OOSP3: variants seen among roughly 807,000 people sequenced by gnomAD.
OOSP3 encodes oocyte secreted protein family member 3.
intron 2 of OOSP3, among the ~76,000 whole-genome samples, chr11:59,889,040 G>A (rs1590874371): frequency 1.3e-5 from 2 of 152,236 alleles, no homozygotes; most frequent in Non-Finnish European, 2.9e-5. Context: ...GAGAGTGTAC[G>A]TGTCCTGGAG....
At chr11:59,881,874 A>AAAAT (rs1438274077) in intron 2 of OOSP3, among the ~76,000 whole-genome samples, 1 of 152,220 alleles carries the variant, frequency 6.6e-6, no homozygotes. Context: ...CCGTCTCAAA[A>AAAAT]AAATAAATAA....
At chr11:59,884,366 T>A (rs1032577362) in intron 2 of OOSP3, among the ~76,000 whole-genome samples, 1 of 152,102 alleles carries the variant, frequency 6.6e-6, no homozygotes, top group Non-Finnish European at 1.5e-5. Flanking sequence ...TCCTACAACA[T>A]TAGTGAGCAT....
intron 2 of OOSP3, among the ~76,000 whole-genome samples, chr11:59,885,027 A>C (rs73490949): frequency 0.017 from 2,654 of 152,314 alleles, 70 homozygotes; most frequent in African/African-American, 0.061. Context: ...GGTGCTCTTA[A>C]TCAGGTTGAG....
rs568052869 is a variant in OOSP3 at position 59,882,294 on chromosome 11, A to G, written c.252+1855A>G. Among the ~76,000 whole-genome samples the G allele has an allele frequency of 3.3e-5, 5 of 152,086 alleles. No individual in the cohort carries two copies. The South Asian group carries it at 1.0e-3, about 32-fold the overall frequency. On this transcript the variant is annotated intron_variant, in intron 2 of 4. Transcript: ENST00000646438. ...TTTTTTTCCCCCCTGTGGCATGAAA[A>G]CCATTTCTAAAGTTTTCAGGGTCTT... is the stretch of plus-strand genomic sequence containing the variant.
exon 4 of OOSP3, chr11:59,895,532 C>T (rs1452100766): frequency 5.0e-6 from 2 of 398,266 alleles, no homozygotes; most frequent in Non-Finnish European, 8.9e-6. Context: ...CAAGCACTAT[C>T]CATAACAATC....
chr11:59,893,025 C>T (rs940964860), intron 2 of OOSP3, among the ~76,000 whole-genome samples: 1 of 152,028 alleles, frequency 6.6e-6, no homozygotes, highest in Non-Finnish European at 1.5e-5. Flanking sequence ...AGTTTGCATA[C>T]TAGAAATCAC....
At chr11:59,884,223 G>C (rs1163473627) in intron 2 of OOSP3, among the ~76,000 whole-genome samples, 1 of 152,202 alleles carries the variant, frequency 6.6e-6, no homozygotes, top group Non-Finnish European at 1.5e-5. Context: ...GTGGCAAAGA[G>C]AGACACAGAA....
intron 2 of OOSP3, among the ~76,000 whole-genome samples, chr11:59,890,560 T>C (rs924950920): frequency 2.0e-5 from 3 of 152,228 alleles, no homozygotes; most frequent in African/African-American, 7.2e-5. Flanking sequence ...GGATATGAAA[T>C]TCTGGGATGG....
chr11:59,896,418 C>T, exon 5 of OOSP3: 2 of 357,302 alleles, frequency 5.6e-6, no homozygotes, highest in Non-Finnish European at 1.0e-5. Context: ...TCTTATAATA[C>T]AATGTCTATG....
At chr11:59,878,964 G>A in intron 1 of OOSP3, 83 bp downstream of exon 1, 1 of 397,738 alleles carries the variant, frequency 2.5e-6, no homozygotes, top group Non-Finnish European at 4.4e-6. Flanking sequence ...TGTTTTGAGT[G>A]GAAGTGACTT....
At chr11:59,893,256 A>G (rs1171144647) in intron 2 of OOSP3, among the ~76,000 whole-genome samples, 1 of 152,264 alleles carries the variant, frequency 6.6e-6, no homozygotes, top group Non-Finnish European at 1.5e-5. Context: ...GTAATTCAAT[A>G]AGACATTTTT....
intron 2 of OOSP3, among the ~76,000 whole-genome samples, chr11:59,887,453 C>T (rs1179208552): frequency 1.3e-5 from 2 of 152,050 alleles, no homozygotes; most frequent in East Asian, 3.8e-4. Flanking sequence ...GTCTTTAATC[C>T]ATCTTGAGTT....
rs79201580 is a variant in OOSP3, at chr11:59,896,437, G to T, written c.*224G>T. 1,704 of 330,862 alleles carry T rather than the reference G, an allele frequency of 5.2e-3. 18 individuals carry two copies. Among genetic ancestry groups the T allele is most frequent in the African/African-American group, 0.033 (1,549 of 47,206 alleles). The allele number at this position is 330,862 out of a possible 1,614,324, so 20.5% of individuals were successfully genotyped here. A position where few individuals can be genotyped will look rare whatever the true frequency, so the allele number is the denominator to read the frequency against. The stretch of plus-strand genomic sequence containing the variant: ...ATAATACAATGTCTATGTATAATTT[G>T]TATGTGGAGTTGATCTTACAAATAA... On this transcript the variant is annotated 3_prime_UTR_variant, in exon 5 of 5. Transcript: ENST00000646438.
At chr11:59,880,179 A>C (rs1355330691) in intron 1 of OOSP3, 82 bp from the exon 2 acceptor site, 5 of 397,176 alleles carry the variant, frequency 1.3e-5, no homozygotes, top group Middle Eastern at 6.2e-4. Context: ...ATATGTTTAA[A>C]TATGCTATGT....
At chr11:59,886,978 A>G (rs957744940) in intron 2 of OOSP3, among the ~76,000 whole-genome samples, 4 of 151,830 alleles carry the variant, frequency 2.6e-5, no homozygotes, top group African/African-American at 9.7e-5. Flanking sequence ...TATTTTTAGT[A>G]GAGACTGGGT....
At chr11:59,879,291 G>A (rs1042137559) in intron 1 of OOSP3, among the ~76,000 whole-genome samples, 5 of 152,006 alleles carry the variant, frequency 3.3e-5, no homozygotes, top group African/African-American at 1.2e-4. Flanking sequence ...CATAAATCAG[G>A]TTGAGAAAAT....
intron 1 of OOSP3, among the ~76,000 whole-genome samples, chr11:59,879,165 C>G (rs926525906): frequency 5.3e-5 from 8 of 152,228 alleles, no homozygotes; most frequent in South Asian, 2.1e-4. Context: ...AAAAATATTT[C>G]TCTATTTAAG....
chr11:59,881,207 T>C (rs1391463147), intron 2 of OOSP3, among the ~76,000 whole-genome samples: 1 of 151,402 alleles, frequency 6.6e-6, no homozygotes, highest in African/African-American at 2.4e-5. Context: ...AAAAAATATA[T>C]AAAAAATTAG....
At chr11:59,894,869 G>C (rs1393370262) in intron 3 of OOSP3, among the ~76,000 whole-genome samples, 2 of 152,154 alleles carry the variant, frequency 1.3e-5, no homozygotes, top group East Asian at 3.9e-4. Context: ...GCAGAAACAG[G>C]AATAGTAGCC....
Sources: gnomAD v4.1 joint callset for allele counts (sites outside exome capture counted in the v4.1 genomes callset) on GRCh38, gnomAD v4.1.1 for gene constraint, MANE v1.5 for transcripts, NCBI Gene and HGNC (gene_info 2026-07-23, HGNC 2026-07-21) for gene names.